The following TDRD9 variants were observed in gnomAD, a reference collection of about 807,000 sequenced individuals.
The protein encoded by TDRD9 is tudor domain containing 9.
A neutral mutation model predicts 172.6 loss-of-function variants in TDRD9; 124 were observed. The observed-to-expected ratio is 0.72, with a 90% CI of 0.62 to 0.83. The LOEUF is 0.83. Among genes scored for constraint, TDRD9 ranks in the 40% least tolerant of loss-of-function variants. The pLI is 0.00. For missense variants in TDRD9, 1,479 were observed against 1,714.1 expected, an observed-to-expected ratio of 0.86 and a Z score of 2.42; for synonymous variants, 619 against 617.1, an observed-to-expected ratio of 1.00 and a Z score of -0.05.
intron 9 of TDRD9, 30 bp downstream of exon 9, chr14:103,991,254 A>G: frequency 6.2e-7 from 1 of 1,611,674 alleles, no homozygotes; most frequent in Non-Finnish European, 8.5e-7. Flanking sequence ...GTGACTTGGA[A>G]TCATAATACT....
chr14:103,945,968 G>GTTTTTTTTTTTTTT (rs71681370), intron 1 of TDRD9, among the ~76,000 whole-genome samples: 1 of 147,744 alleles, frequency 6.8e-6, no homozygotes, highest in Non-Finnish European at 1.5e-5. Flanking sequence ...ATATCTTTCT[G>GTTTTTTTTTTTTTT]TTTTTTTTTT....
chr14:103,975,282 A>G (rs1306152958), intron 6 of TDRD9, 107 bp from the exon 7 acceptor site: 5 of 1,046,742 alleles, frequency 4.8e-6, no homozygotes, highest in Non-Finnish European at 6.8e-6. Flanking sequence ...AAAGTCTCAA[A>G]AGTTGTTAGA....
chr14:103,986,730 C>T (rs1002180616), intron 8 of TDRD9, among the ~76,000 whole-genome samples: 3 of 152,092 alleles, frequency 2.0e-5, no homozygotes, highest in Non-Finnish European at 2.9e-5. Context: ...TTCTGTAATC[C>T]AGATGTTCAT....
intron 2 of TDRD9, among the ~76,000 whole-genome samples, chr14:103,961,561 C>CAGAAAAAGAAAAA (rs1466944003): frequency 7.8e-6 from 1 of 128,148 alleles, no homozygotes; most frequent in Non-Finnish European, 1.6e-5. Flanking sequence ...AGACTCTGTC[C>CAGAAAAAGAAAAA]AGAAAAAGAA....
At chr14:104,014,477 C>T (rs915008287) in intron 20 of TDRD9, among the ~76,000 whole-genome samples, 7 of 151,834 alleles carry the variant, frequency 4.6e-5, no homozygotes, top group Admixed American at 3.3e-4. Context: ...GACTGGGTTT[C>T]GCCATGTTGC....
chr14:104,049,929 G>GAAAAAAAAA, intron 35 of TDRD9: 1 of 448,868 alleles, frequency 2.2e-6, no homozygotes. Flanking sequence ...TGTGAGTTGG[G>GAAAAAAAAA]AAAAAAAGGT....
intron 1 of TDRD9, among the ~76,000 whole-genome samples, chr14:103,944,200 A>C (rs1421081371): frequency 1.3e-5 from 2 of 152,088 alleles, no homozygotes; most frequent in South Asian, 4.2e-4. Flanking sequence ...GGCCCTCTAC[A>C]GTCTTACGTT....
intron 30 of TDRD9, 104 bp downstream of exon 30, chr14:104,032,191 T>TTA (rs751308840): frequency 7.3e-6 from 5 of 683,894 alleles, no homozygotes; most frequent in Non-Finnish European, 1.1e-5. Flanking sequence ...TTGGAATGTG[T>TTA]TATCTTTTCT....
chr14:103,966,805 G>A lies in TDRD9; in HGVS notation c.739G>A (p.Glu247Lys). 1.3e-6 allele frequency: 2 copies of A among 1,550,570 alleles called. No individual in the cohort carries two copies. Reference protein sequence around the residue: ...QKIVSAKSLMEFTHIIIDEVH... With the variant: ...QKIVSAKSLMKFTHIIIDEVH... The stretch of plus-strand genomic sequence containing the variant: ...AATAGTTAGTGCCAAGAGTTTGATG[G>A]AATTCACACATATCATCATTGATGA... Residue 247 changes from glutamate (E) to lysine (K), a missense_variant, in exon 5 of 36, where the codon GAA becomes AAA. By Grantham distance (56) the Glu-to-Lys change is moderately conservative. Coordinates refer to ENST00000409874, the MANE Select transcript of TDRD9 (RefSeq NM_153046.3).
chr14:104,040,126 T>G lies in TDRD9; in HGVS notation c.3717-70T>G, dbSNP rs1017073863. On this transcript the variant is annotated intron_variant, in intron 32 of 35. Transcript: ENST00000409874. ...AATTTAGGATAATTTTATCGGTCAA[T>G]TTTTACATGCTAAAACATATACTTT... 15 of 1,283,938 alleles carry G rather than the reference T, an allele frequency of 1.2e-5. No homozygotes were observed. The South Asian group carries it at 4.0e-4, about 34-fold the overall frequency. The allele number at this position is 1,283,938 out of a possible 1,614,324, so 79.5% of individuals were successfully genotyped here.
rs56279366 is a variant in TDRD9, at chr14:103,980,715, G to A, written c.1011+5162G>A. 0.025 allele frequency among the ~76,000 whole-genome samples: 3,761 copies of A among 152,166 alleles called. 162 individuals are homozygous for A. Among genetic ancestry groups the A allele is most frequent in the Admixed American group, 0.12 (1,843 of 15,288 alleles). On this transcript the variant is annotated intron_variant, in intron 7 of 35. Transcript: ENST00000409874. This position sits in a 1 kb window ranked among gnomAD's most constrained non-coding sequence, Gnocchi z 4.5. ...TCCCTTTCCCGGTCTGCTGAGTAGC[G>A]GGTGTTTTTCCTTGACACTGACGCT...
intron 9 of TDRD9, among the ~76,000 whole-genome samples, chr14:103,993,901 T>A (rs76242853): frequency 0.023 from 3,485 of 152,374 alleles, 78 homozygotes; most frequent in East Asian, 0.071. Context: ...CAAAAGCACC[T>A]GCTAGCTTAG....
At chr14:104,006,244 G>A in intron 15 of TDRD9, 145 bp from the exon 16 acceptor site, 3 of 634,922 alleles carry the variant, frequency 4.7e-6, no homozygotes, top group Non-Finnish European at 7.9e-6. Flanking sequence ...GTTTTTTTTG[G>A]TAACATATCA....
intron 1 of TDRD9, among the ~76,000 whole-genome samples, chr14:103,942,999 AAAC>A (rs2152120725): frequency 6.6e-6 from 1 of 152,292 alleles, no homozygotes; most frequent in Non-Finnish European, 1.5e-5. Context: ...ACAAAATTCT[AAAC>A]AAAATCTTAT....
At chr14:104,039,694 C>T (rs1280785664) in intron 32 of TDRD9, among the ~76,000 whole-genome samples, 8 of 152,074 alleles carry the variant, frequency 5.3e-5, no homozygotes, top group African/African-American at 1.7e-4. Flanking sequence ...TGCCAGTGGT[C>T]AGAGGAGGGT....
At chr14:103,945,800 T>G (rs12147460) in intron 1 of TDRD9, among the ~76,000 whole-genome samples, 54,021 of 151,912 alleles carry the variant, frequency 0.36, 9,753 homozygotes, top group Middle Eastern at 0.38. Flanking sequence ...AGGAAGTACA[T>G]AAAAAGAAAA....
In TDRD9 at chr14:104,014,733, A is replaced by T. The variant is rs1595987910; in HGVS notation, c.2115A>T (p.Glu705Asp). Residue 705 changes from glutamate to aspartate, a missense_variant, in exon 21 of 36, where the codon GAA becomes GAT. Glu to Asp is a conservative substitution (Grantham distance 45). Around this residue, in one of 3 missense-constraint regions of TDRD9, gnomAD observed 1,413 missense variants for 1,649.1 expected, o/e 0.86. Coordinates refer to ENST00000409874, the MANE Select transcript of TDRD9 (RefSeq NM_153046.3). The stretch of plus-strand genomic sequence containing the variant: ...CAATGTATTTTTCTTAGGTGGCTGA[A>T]TTATATGAAGAATTGAAGACTAGAA... The part of the protein sequence containing the change: ...IQIKRIREVA[E>D]LYEELKTRIS... 4.4e-6 allele frequency: 7 copies of T among 1,600,390 alleles called. No homozygotes were observed. The East Asian group carries it at 1.6e-4, about 36-fold the overall frequency.
At chr14:104,015,907 TTG>T in intron 21 of TDRD9, 72 bp from the exon 22 acceptor site, 2 of 1,071,144 alleles carry the variant, frequency 1.9e-6, no homozygotes, top group African/African-American at 3.1e-5. Flanking sequence ...TCATGCTGGG[TTG>T]AGATTAGTAT....
intron 22 of TDRD9, 100 bp downstream of exon 22, chr14:104,016,188 C>G: frequency 1.2e-6 from 1 of 833,180 alleles, no homozygotes; most frequent in South Asian, 1.7e-5. Flanking sequence ...GTGAATTTTC[C>G]CCTGGCGTGA....
Sources: gnomAD v4.1 joint callset for allele counts (sites outside exome capture counted in the v4.1 genomes callset) on GRCh38, gnomAD v4.1.1 for gene constraint, gnomAD v4.1.1 regional missense constraint, Gnocchi (gnomAD v3.1) non-coding constraint, MANE v1.5 for transcripts, NCBI Gene and HGNC (gene_info 2026-07-23, HGNC 2026-07-21) for gene names.